SIPA1L1: variants seen among roughly 807,000 people sequenced by gnomAD.
SIPA1L1 encodes the protein signal-induced proliferation-associated 1-like protein 1.
Under a neutral mutation model 162.7 loss-of-function variants are expected in SIPA1L1, and 26 were observed. The observed-to-expected ratio is 0.16, with a 90% CI of 0.12 to 0.22. SIPA1L1 has a LOEUF of 0.22. Among genes scored for constraint, SIPA1L1 ranks in the 10% least tolerant of loss-of-function variants. The pLI, the probability that SIPA1L1 is intolerant of heterozygous loss-of-function variation, is 1.00. For synonymous variants in SIPA1L1, 829 were observed against 837.4 expected (o/e 0.99, Z 0.17); for missense variants, 1,874 against 2,241.0 (o/e 0.84, Z 3.31).
At chr14:71,674,844 G>C (rs186336159) in intron 12 of SIPA1L1, among the ~76,000 whole-genome samples, 2 of 151,680 alleles carry the variant, frequency 1.3e-5, no homozygotes, top group Admixed American at 1.3e-4. Flanking sequence ...GATTACAGGC[G>C]TGAGCCACCG....
intron 2 of SIPA1L1, among the ~76,000 whole-genome samples, chr14:71,394,650 A>AT (rs1307706580): frequency 6.6e-6 from 1 of 152,232 alleles, no homozygotes; most frequent in East Asian, 1.9e-4. Context: ...TTAACTGTGT[A>AT]TTTGAGTTTA....
At chr14:71,700,596 G>C (rs528056015) in intron 14 of SIPA1L1, among the ~76,000 whole-genome samples, 1 of 152,258 alleles carries the variant, frequency 6.6e-6, no homozygotes, top group South Asian at 2.1e-4. Flanking sequence ...TTTTATTTTT[G>C]ATAAGTGCTA....
At chr14:71,486,180 A>G (rs1181124993) in intron 2 of SIPA1L1, among the ~76,000 whole-genome samples, 6 of 152,212 alleles carry the variant, frequency 3.9e-5, no homozygotes, top group African/African-American at 4.8e-5. Context: ...TTTTTTGCCA[A>G]ATCTTACCAT....
chr14:71,397,197 A>T (rs2041273026), intron 2 of SIPA1L1, among the ~76,000 whole-genome samples: 1 of 152,146 alleles, frequency 6.6e-6, no homozygotes, highest in Non-Finnish European at 1.5e-5. Flanking sequence ...CAGTATAGCC[A>T]TCTTCTCCAG....
rs186969899 is a variant in SIPA1L1 at position 71,544,180 on chromosome 14, T to C, written c.-303+14810T>C. On this transcript the variant is annotated intron_variant, in intron 4 of 23. Coordinates refer to ENST00000381232, the MANE Select transcript of SIPA1L1 (RefSeq NM_001386936.1). Reference sequence around the variant, plus strand: ...GTGTATATGTACATATATGCACGTGTGTGTATATATACATATGCATGTATG... The same window carrying C: ...GTGTATATGTACATATATGCACGTGCGTGTATATATACATATGCATGTATG... Among the ~76,000 whole-genome samples, 284 of 151,492 alleles carry C rather than the reference T, an allele frequency of 1.9e-3. 1 individual carries two copies. The highest frequency in any genetic ancestry group is 5.4e-3 in the South Asian group (26 of 4,820).
chr14:71,724,767 A>G lies in SIPA1L1; in HGVS notation c.4546A>G (p.Ile1516Val). The G allele has an allele frequency of 6.2e-7, 1 of 1,614,184 alleles. No homozygotes were observed. The highest frequency in any genetic ancestry group is 8.5e-7 in the Non-Finnish European group (1 of 1,180,014). The change falls in exon 19 of 24, where the codon ATT becomes GTT. Residue 1516 changes from isoleucine (I) to valine (V), a missense_variant. By Grantham distance (29) the Ile-to-Val change is conservative (BLOSUM62 3). This residue lies in a region of SIPA1L1 where 936 missense variants were observed against 1,051.9 expected (regional missense o/e 0.89). Coordinates refer to ENST00000381232, the MANE Select transcript of SIPA1L1 (RefSeq NM_001386936.1). Reference sequence around the variant, plus strand: ...TCCTAAGCCAACCTCCAAGTCCACCATTGAAGAAGATCTAAAGAAACTAAT... The same window carrying G: ...TCCTAAGCCAACCTCCAAGTCCACCGTTGAAGAAGATCTAAAGAAACTAAT... ...ASPKPTSKSTIEEDLKKLIDL... is the reference protein window; with the variant it reads ...ASPKPTSKSTVEEDLKKLIDL...
chr14:71,466,613 T>C (rs1472610898), intron 2 of SIPA1L1, among the ~76,000 whole-genome samples: 5 of 151,704 alleles, frequency 3.3e-5, no homozygotes, highest in East Asian at 1.9e-4. Flanking sequence ...TAAAATTCAC[T>C]GTGTTCTAAT....
chr14:71,329,421 T>G (rs1251162289), intron 2 of SIPA1L1, among the ~76,000 whole-genome samples: 3 of 99,866 alleles, frequency 3.0e-5, no homozygotes, highest in Non-Finnish European at 5.3e-5. Context: ...TTATTTTCTG[T>G]TTTTTTTTTT....
rs748827272 is a variant in SIPA1L1 at position 71,702,483 on chromosome 14, G to A, written c.3624G>A (p.Glu1208=). 2 of 1,614,162 alleles carry A rather than the reference G, an allele frequency of 1.2e-6. No individual in the cohort carries two copies. The highest frequency in any genetic ancestry group is 1.1e-5 in the South Asian group (1 of 91,084). ...GKSTPSWQRS[E]DSIADQMEPT... ...CCACGCCTAGCTGGCAAAGAAGTGAGGATAGCATTGCTGACCAGATGGGTA... is the reference window on the plus strand; with the variant it reads ...CCACGCCTAGCTGGCAAAGAAGTGAAGATAGCATTGCTGACCAGATGGGTA... The change falls in exon 15 of 24, where the codon GAG becomes GAA. Residue 1208 remains glutamate (E), a synonymous_variant. Coordinates refer to ENST00000381232, the MANE Select transcript of SIPA1L1 (RefSeq NM_001386936.1).
At chr14:71,515,587 A>G (rs1042332114) in intron 3 of SIPA1L1, among the ~76,000 whole-genome samples, 3 of 152,184 alleles carry the variant, frequency 2.0e-5, no homozygotes, top group Non-Finnish European at 4.4e-5. Flanking sequence ...AAGATTTCGT[A>G]CATACTGTAA....
At chr14:71,714,648 T>G (rs757397401) in intron 17 of SIPA1L1, among the ~76,000 whole-genome samples, 2 of 152,118 alleles carry the variant, frequency 1.3e-5, no homozygotes, top group African/African-American at 2.4e-5. Flanking sequence ...GTGGTGGCCC[T>G]GCAGCTCACT....
intron 3 of SIPA1L1, among the ~76,000 whole-genome samples, chr14:71,520,560 TTA>T (rs2052227768): frequency 6.6e-6 from 1 of 152,090 alleles, no homozygotes; most frequent in Non-Finnish European, 1.5e-5. Flanking sequence ...CTCCTGCGAG[TTA>T]TAGCAGTGAT....
At chr14:71,520,247 G>A (rs1005137297) in intron 3 of SIPA1L1, among the ~76,000 whole-genome samples, 6 of 152,146 alleles carry the variant, frequency 3.9e-5, no homozygotes, top group African/African-American at 1.4e-4. Flanking sequence ...AATTACAGTG[G>A]TGGAAGCCTG....
At chr14:71,390,211 A>G (rs2040635533) in intron 2 of SIPA1L1, among the ~76,000 whole-genome samples, 1 of 152,212 alleles carries the variant, frequency 6.6e-6, no homozygotes, top group Admixed American at 6.5e-5. Context: ...AACAATCCAA[A>G]TATTTTCCCC....
At chr14:71,418,801 G>A (rs1451167610) in intron 2 of SIPA1L1, among the ~76,000 whole-genome samples, 1 of 152,150 alleles carries the variant, frequency 6.6e-6, no homozygotes, top group Admixed American at 6.6e-5. Context: ...GAAAATTAAG[G>A]CCATATGGTG....
At chr14:71,659,748 A>T (rs761268406) in intron 9 of SIPA1L1, among the ~76,000 whole-genome samples, 23 of 152,180 alleles carry the variant, frequency 1.5e-4, no homozygotes, top group Non-Finnish European at 2.9e-4. Context: ...TAACTAAATG[A>T]GTTGAAGTGG....
At chr14:71,562,192 A>G (rs938435839) in intron 4 of SIPA1L1, among the ~76,000 whole-genome samples, 1 of 151,864 alleles carries the variant, frequency 6.6e-6, no homozygotes, top group Non-Finnish European at 1.5e-5. Context: ...TATGGTCAGT[A>G]TAACAAGTAT....
chr14:71,386,687 G>A (rs1254073490), intron 2 of SIPA1L1, among the ~76,000 whole-genome samples: 2 of 152,196 alleles, frequency 1.3e-5, no homozygotes, highest in African/African-American at 4.8e-5. Context: ...ACTTGTTTTG[G>A]TGTGTCCTGG....
intron 4 of SIPA1L1, among the ~76,000 whole-genome samples, chr14:71,567,449 G>C (rs1398588388): frequency 1.3e-5 from 2 of 152,108 alleles, no homozygotes; most frequent in Non-Finnish European, 2.9e-5. Flanking sequence ...GAGAAATCTT[G>C]ATAGTAATTT....
Sources: allele counts gnomAD v4.1 joint callset (sites outside exome capture counted in the v4.1 genomes callset), GRCh38; gene constraint gnomAD v4.1.1; regional missense constraint gnomAD v4.1.1; transcripts MANE v1.5; gene names NCBI Gene and HGNC (gene_info 2026-07-23, HGNC 2026-07-21).